The following ANAPC10 variants were observed in gnomAD, a reference collection of about 807,000 sequenced individuals.
ANAPC10 encodes anaphase promoting complex subunit 10, also known as anaphase-promoting complex subunit 10.
Under a neutral mutation model 22.0 loss-of-function variants are expected in ANAPC10, and 12 were observed. The ratio of observed to expected loss-of-function variants is 0.55; its 90% CI spans 0.35 to 0.88. ANAPC10 has a LOEUF of 0.88. Ranked by LOEUF, ANAPC10 falls within the 40% of genes least tolerant of loss-of-function variation. ANAPC10 has a pLI of 0.01. For synonymous variants in ANAPC10, 65 were observed against 69.5 expected (o/e 0.94, Z 0.32); for missense variants, 188 against 220.9 (o/e 0.85, Z 0.94).
rs553856570 is a variant in ANAPC10 at position 145,001,267 on chromosome 4, A to G, written c.328-5664T>C. 6.6e-5 allele frequency among the ~76,000 whole-genome samples: 10 copies of G among 150,742 alleles called. No homozygotes were observed. The East Asian group carries it at 1.6e-3, about 24-fold the overall frequency. ...GGGAGGGAGGGAGGGAGGGAGGGAA[A>G]GAAAGAAGAAAAGAAAAGAAAAGAA... On this transcript the variant is annotated intron_variant, in intron 4 of 4. Transcript: ENST00000507656.
chr4:145,011,149 C>T (rs555170340), intron 4 of ANAPC10, among the ~76,000 whole-genome samples: 12 of 151,706 alleles, frequency 7.9e-5, no homozygotes, highest in Non-Finnish European at 8.8e-5. Flanking sequence ...CTGGCCAAAA[C>T]GGTGGAACCC....
At chr4:145,019,606 C>G (rs1578930197) in intron 4 of ANAPC10, among the ~76,000 whole-genome samples, 1 of 151,916 alleles carries the variant, frequency 6.6e-6, no homozygotes, top group Non-Finnish European at 1.5e-5. Context: ...CAGAGCATAA[C>G]TAAATGAAAC....
chr4:145,067,386 C>T (rs756795097), intron 3 of ANAPC10, among the ~76,000 whole-genome samples: 4 of 152,036 alleles, frequency 2.6e-5, no homozygotes, highest in Non-Finnish European at 5.9e-5. Context: ...GAGGGCAATA[C>T]TTTCCTATTT....
At chr4:145,019,957 A>G (rs1018985501) in intron 4 of ANAPC10, among the ~76,000 whole-genome samples, 1 of 151,120 alleles carries the variant, frequency 6.6e-6, no homozygotes, top group African/African-American at 2.4e-5. Context: ...AATTATCAAC[A>G]AAAAAAAAGG....
At chr4:144,996,202 C>T (rs967645023) in intron 4 of ANAPC10, among the ~76,000 whole-genome samples, 3 of 152,126 alleles carry the variant, frequency 2.0e-5, no homozygotes, top group East Asian at 1.9e-4. Flanking sequence ...CTCTACACTC[C>T]GAAACAGGCT....
intron 2 of ANAPC10, among the ~76,000 whole-genome samples, chr4:145,090,344 AC>A (rs1009415384): frequency 1.3e-5 from 2 of 152,044 alleles, no homozygotes; most frequent in African/African-American, 4.8e-5. Flanking sequence ...ACTATTTTCA[AC>A]CCTCAGTTAG....
At chr4:145,007,585 C>T (rs911126595) in intron 4 of ANAPC10, among the ~76,000 whole-genome samples, 3 of 152,050 alleles carry the variant, frequency 2.0e-5, no homozygotes, top group African/African-American at 7.2e-5. Flanking sequence ...CTACTGGGTA[C>T]ATAACGAAAT....
intron 2 of ANAPC10, among the ~76,000 whole-genome samples, chr4:145,095,316 T>C (rs1246463325): frequency 6.6e-6 from 1 of 152,196 alleles, no homozygotes; most frequent in Non-Finnish European, 1.5e-5. Flanking sequence ...GTCTGAGTAG[T>C]GTGAAGAAAT....
chr4:145,053,009 A>G (rs1464234029), intron 4 of ANAPC10, among the ~76,000 whole-genome samples: 4 of 152,128 alleles, frequency 2.6e-5, no homozygotes, highest in Admixed American at 2.6e-4. Flanking sequence ...AAATACTATT[A>G]TTATTTTAGC....
At chr4:145,011,937 G>C (rs1370854117) in intron 4 of ANAPC10, among the ~76,000 whole-genome samples, 1 of 151,960 alleles carries the variant, frequency 6.6e-6, no homozygotes, top group African/African-American at 2.4e-5. Flanking sequence ...AGCCTTGAGG[G>C]GCTAGGCCCC....
intron 2 of ANAPC10, 37 bp downstream of exon 2, chr4:145,095,948 A>C (rs963719283): frequency 1.4e-5 from 23 of 1,613,588 alleles, no homozygotes; most frequent in Non-Finnish European, 1.8e-5. Context: ...ACTGCAAGTG[A>C]CTATTTCCAA....
chr4:145,034,550 T>TATATATATATATATATATATATAC (rs1738198065), intron 4 of ANAPC10, among the ~76,000 whole-genome samples: 1 of 142,274 alleles, frequency 7.0e-6, no homozygotes, highest in African/African-American at 2.7e-5. Context: ...TATATGTGTG[T>TATATATATATATATATATATATAC]GTGTGTGTGT....
At chr4:145,031,242 C>G (rs1737532264) in intron 4 of ANAPC10, among the ~76,000 whole-genome samples, 1 of 152,348 alleles carries the variant, frequency 6.6e-6, no homozygotes, top group South Asian at 2.1e-4. Context: ...TGGTCCATTA[C>G]ATTGATGACA....
At chr4:145,016,273 C>T (rs1281400388) in intron 4 of ANAPC10, among the ~76,000 whole-genome samples, 3 of 152,196 alleles carry the variant, frequency 2.0e-5, no homozygotes, top group Admixed American at 2.0e-4. Context: ...TCAGCAGAGT[C>T]TCAGGATACA....
chr4:145,047,843 T>C (rs1198654057), intron 4 of ANAPC10, among the ~76,000 whole-genome samples: 1 of 152,154 alleles, frequency 6.6e-6, no homozygotes, highest in Non-Finnish European at 1.5e-5. Context: ...AAATGTGAAG[T>C]GGCTACCTAA....
chr4:145,008,739 A>C (rs1385692232), intron 4 of ANAPC10, among the ~76,000 whole-genome samples: 59 of 146,774 alleles, frequency 4.0e-4, no homozygotes, highest in East Asian at 8.0e-4. Flanking sequence ...ATCATACTGA[A>C]TGGGCAAAAA....
At chr4:145,017,040 C>G (rs1241574039) in intron 4 of ANAPC10, among the ~76,000 whole-genome samples, 2 of 152,168 alleles carry the variant, frequency 1.3e-5, no homozygotes, top group Non-Finnish European at 2.9e-5. Flanking sequence ...CTAGGCATTA[C>G]CATTCAGGAC....
chr4:145,010,567 G>A (rs78753440), intron 4 of ANAPC10, among the ~76,000 whole-genome samples: 11 of 152,184 alleles, frequency 7.2e-5, no homozygotes, highest in East Asian at 1.9e-4. Flanking sequence ...GCAAACTATC[G>A]CAAAGACAGA....
chr4:145,094,909 A>G (rs1748263314), intron 2 of ANAPC10, among the ~76,000 whole-genome samples: 1 of 152,306 alleles, frequency 6.6e-6, no homozygotes, highest in South Asian at 2.1e-4. Context: ...CCACCCAAGA[A>G]TTCTATCCCA....
Sources: allele counts gnomAD v4.1 joint callset (sites outside exome capture counted in the v4.1 genomes callset), GRCh38; gene constraint gnomAD v4.1.1; transcripts MANE v1.5; gene names NCBI Gene and HGNC (gene_info 2026-07-23, HGNC 2026-07-21).